The following CD200R1 variants were observed in gnomAD, a reference collection of about 807,000 sequenced individuals.
The protein encoded by CD200R1 is cell surface glycoprotein CD200 receptor 1.
A neutral mutation model predicts 38.1 loss-of-function variants in CD200R1; 30 were observed. That is an observed-to-expected ratio of 0.79 (90% confidence interval 0.59 to 1.07). CD200R1 has a LOEUF of 1.07. Ranked by LOEUF, CD200R1 falls within the 50% of genes least tolerant of loss-of-function variation. The pLI is 0.00. For missense variants in CD200R1, 372 were observed against 415.4 expected, an observed-to-expected ratio of 0.90 and a Z score of 0.91; for synonymous variants, 128 against 152.1, an observed-to-expected ratio of 0.84 and a Z score of 1.16.
At chr3:112,934,842 T>C (rs1330866528) in intron 2 of CD200R1, among the ~76,000 whole-genome samples, 1 of 151,700 alleles carries the variant, frequency 6.6e-6, no homozygotes. Flanking sequence ...AAAAACCAAC[T>C]ATATGCCACC....
rs78271076 is a variant in CD200R1, at chr3:112,974,192, T to C, written c.67+599A>G. 6.3e-3 allele frequency among the ~76,000 whole-genome samples: 961 copies of C among 151,796 alleles called. 1 individual carries two copies. The highest frequency in any genetic ancestry group is 8.0e-3 in the Non-Finnish European group (543 of 67,964). Reference sequence around the variant, plus strand: ...GGCTCATGCCTGTAATCCCAATGCTTTGGGAGTCTGAGGTGGGAGAATTGC... The same window carrying C: ...GGCTCATGCCTGTAATCCCAATGCTCTGGGAGTCTGAGGTGGGAGAATTGC... On this transcript the variant is annotated intron_variant, in intron 1 of 7. Transcript: ENST00000308611.
At chr3:112,929,153 G>C in intron 4 of CD200R1, 37 bp downstream of exon 4, 1 of 1,612,882 alleles carries the variant, frequency 6.2e-7, no homozygotes, top group Non-Finnish European at 8.5e-7. Context: ...TCACAAATCT[G>C]GTGATGTGAA....
At chr3:112,935,037 C>T (rs1604248) in intron 2 of CD200R1, among the ~76,000 whole-genome samples, 3,357 of 152,138 alleles carry the variant, frequency 0.022, 45 homozygotes, top group South Asian at 0.048. Context: ...TTCAGCAAGA[C>T]GACATAACAA....
At chr3:112,924,686 A>G in intron 6 of CD200R1, 151 bp from the exon 7 acceptor site, 1 of 479,302 alleles carries the variant, frequency 2.1e-6, no homozygotes, top group African/African-American at 2.0e-5. Flanking sequence ...ATAAGTGAAG[A>G]ATACTGCTCG....
At chr3:112,962,189 G>T (rs1228671270) in intron 1 of CD200R1, among the ~76,000 whole-genome samples, 3 of 152,110 alleles carry the variant, frequency 2.0e-5, no homozygotes, top group Non-Finnish European at 4.4e-5. Context: ...TTGGTTTTGG[G>T]AGTATTTTTT....
In CD200R1 at chr3:112,923,809, A is replaced by T; in HGVS notation, c.925-10T>A. ...AGGGCTGCATTTCATCCTAAGAAAG[A>T]ACTCAAAGTTAAAATCAATTCAAAA... On this transcript the variant is annotated splice_polypyrimidine_tract_variant and intron_variant, in intron 7 of 7. Transcript: ENST00000308611. 1 of 1,523,782 alleles carries T rather than the reference A, an allele frequency of 6.6e-7. No individual in the cohort carries two copies. Among genetic ancestry groups the T allele is most frequent in the East Asian group, 2.3e-5 (1 of 43,242 alleles). 94.4% of individuals were successfully genotyped at this position (1,523,782 alleles called of 1,614,324 possible).
At position 112,967,873 on chromosome 3, in the gene CD200R1, T is replaced by C. The variant is rs191019839; in HGVS notation, c.67+6918A>G. 7.5e-4 allele frequency among the ~76,000 whole-genome samples: 114 copies of C among 152,360 alleles called. 1 individual carries two copies. The highest frequency in any genetic ancestry group is 1.3e-3 in the Admixed American group (20 of 15,310). On this transcript the variant is annotated intron_variant, in intron 1 of 7. Transcript: ENST00000308611. ...TCAGCTCACACCCCAGAAAGCTGTT[T>C]GATATGATTAGCAATCCCACATACA...
chr3:112,927,848 C>T (rs1940317801), intron 5 of CD200R1, among the ~76,000 whole-genome samples: 1 of 152,160 alleles, frequency 6.6e-6, no homozygotes, highest in African/African-American at 2.4e-5. Context: ...ACGATAGGTA[C>T]ATACATTCTT....
intron 5 of CD200R1, among the ~76,000 whole-genome samples, chr3:112,925,493 G>T (rs555670814): frequency 6.6e-6 from 1 of 152,178 alleles, no homozygotes; most frequent in African/African-American, 2.4e-5. Flanking sequence ...CAATAAAACT[G>T]TTCCATATAA....
intron 5 of CD200R1, among the ~76,000 whole-genome samples, chr3:112,928,253 A>G (rs1940326446): frequency 6.6e-6 from 1 of 152,212 alleles, no homozygotes; most frequent in Non-Finnish European, 1.5e-5. Context: ...GTTTTTCAGG[A>G]AGCCTTACAG....
chr3:112,969,383 T>C (rs559288240), intron 1 of CD200R1, among the ~76,000 whole-genome samples: 1 of 152,240 alleles, frequency 6.6e-6, no homozygotes, highest in South Asian at 2.1e-4. Flanking sequence ...TAACAGAAAT[T>C]ATTCAGGATG....
intron 1 of CD200R1, among the ~76,000 whole-genome samples, chr3:112,969,545 A>G (rs1175432852): frequency 6.6e-6 from 1 of 152,192 alleles, no homozygotes; most frequent in Non-Finnish European, 1.5e-5. Context: ...GACAGTCTTC[A>G]GTTTTCAGCC....
chr3:112,932,566 T>C (rs894007060), intron 2 of CD200R1, among the ~76,000 whole-genome samples: 1 of 151,908 alleles, frequency 6.6e-6, no homozygotes, highest in African/African-American at 2.4e-5. Flanking sequence ...AGCAGCCCCA[T>C]GCCCTCACTC....
At chr3:112,931,237 C>A in intron 2 of CD200R1, 66 bp from the exon 3 acceptor site, 1 of 980,336 alleles carries the variant, frequency 1.0e-6, no homozygotes, top group Non-Finnish European at 1.6e-6. Flanking sequence ...AGCCAGTATC[C>A]CTCCACAAAG....
chr3:112,933,046 G>A (rs1940488710), intron 2 of CD200R1, among the ~76,000 whole-genome samples: 1 of 152,150 alleles, frequency 6.6e-6, no homozygotes. Context: ...CCCAGGAACT[G>A]AGAAACAGCA....
At position 112,928,965 on chromosome 3, in the gene CD200R1, C is replaced by T. The variant is rs1272885276; in HGVS notation, c.620G>A (p.Gly207Asp). The T allele has an allele frequency of 1.2e-6, 2 of 1,613,874 alleles. No homozygotes were observed. Among genetic ancestry groups the T allele is most frequent in the Non-Finnish European group, 1.7e-6 (2 of 1,179,984 alleles). The change falls in exon 5 of 8, where the codon GGC becomes GAC. Residue 207 changes from glycine (G) to aspartate (D), a missense_variant. Transcript: ENST00000308611. Reference protein sequence around the residue: ...PAAHISWIPEGDCATKQEYWS... With the variant: ...PAAHISWIPEDDCATKQEYWS... ...GTATTCTTGCTTAGTGGCACAATCG[C>T]CCTCTGGGATCCAGGAGATATGCGC...
At chr3:112,946,256 TCA>T (rs1940857852) in intron 2 of CD200R1, among the ~76,000 whole-genome samples, 1 of 152,190 alleles carries the variant, frequency 6.6e-6, no homozygotes, top group Non-Finnish European at 1.5e-5. Flanking sequence ...TGCCTGTATA[TCA>T]CTACATCCTG....
chr3:112,947,154 C>A (rs1013694122), intron 2 of CD200R1, among the ~76,000 whole-genome samples: 1 of 152,022 alleles, frequency 6.6e-6, no homozygotes, highest in Non-Finnish European at 1.5e-5. Context: ...AGAATAGAGA[C>A]GATTTTTAGG....
rs1489629451 is a variant in CD200R1, at chr3:112,922,014, T to C, written c.*1663A>G. The C allele has an allele frequency of 6.6e-6, 1 of 152,050 alleles. No homozygotes were observed. Among genetic ancestry groups the C allele is most frequent in the Non-Finnish European group, 1.5e-5 (1 of 67,958 alleles). 9.4% of individuals were successfully genotyped at this position (152,050 alleles called of 1,614,324 possible). ...GTCTATTGTGAACATTGCTTGGTAA[T>C]ATTTATATGCAGAAACCTAATGGAC... On this transcript the variant is annotated 3_prime_UTR_variant, in exon 8 of 8. Transcript: ENST00000308611.
Sources: gnomAD v4.1 joint callset for allele counts (sites outside exome capture counted in the v4.1 genomes callset) on GRCh38, gnomAD v4.1.1 for gene constraint, MANE v1.5 for transcripts, NCBI Gene and HGNC (gene_info 2026-07-23, HGNC 2026-07-21) for gene names.